TENM3: variants seen among roughly 807,000 people sequenced by gnomAD.
TENM3 encodes the protein teneurin-3.
A neutral mutation model predicts 255.1 loss-of-function variants in TENM3; 63 were observed. That is an observed-to-expected ratio of 0.25 (90% CI 0.20 to 0.30). The LOEUF is 0.30. Ranked by LOEUF, TENM3 falls within the 10% of genes least tolerant of loss-of-function variation. The probability of loss-of-function intolerance (pLI) is 1.00; values close to 1 mark genes in which losing one functional copy is unlikely to be tolerated. For missense variants in TENM3, 2,929 were observed against 3,461.1 expected, an observed-to-expected ratio of 0.85 and a Z score of 3.86; for synonymous variants, 1,306 against 1,322.3, an observed-to-expected ratio of 0.99 and a Z score of 0.27.
upstream of TENM3, among the ~76,000 whole-genome samples, chr4:182,139,200 A>G (rs72999500): frequency 0.012 from 1,828 of 152,296 alleles, 31 homozygotes; most frequent in African/African-American, 0.041. Context: ...TATTACATGC[A>G]GAAAACACAG....
the TENM3 span, among the ~76,000 whole-genome samples, chr4:181,632,943 T>C: frequency 1.3e-5 from 2 of 152,194 alleles, no homozygotes; most frequent in African/African-American, 4.8e-5. Flanking sequence ...GTTTGTTCTG[T>C]TTCCTTGACT....
chr4:182,353,990 T>C (rs1765362049), intron 3 of TENM3, among the ~76,000 whole-genome samples: 1 of 151,992 alleles, frequency 6.6e-6, no homozygotes, highest in Non-Finnish European at 1.5e-5. Context: ...AAGTTACGAT[T>C]TAAATAAAAT....
At chr4:182,706,029 A>G (rs187909924) in intron 12 of TENM3, among the ~76,000 whole-genome samples, 5 of 152,230 alleles carry the variant, frequency 3.3e-5, no homozygotes, top group Non-Finnish European at 5.9e-5. Flanking sequence ...TTTTAAGCTT[A>G]TTTCCTTTAA....
chr4:181,467,093 GTGTGTGTGTGTATA>G, the TENM3 span, among the ~76,000 whole-genome samples: 25 of 67,270 alleles, frequency 3.7e-4, no homozygotes, highest in Admixed American at 2.7e-3. Flanking sequence ...GCGTGTGTGT[GTGTGTGTGTGTATA>G]TATATATATA....
chr4:182,270,401 G>C (rs1038679060), intron 1 of TENM3, among the ~76,000 whole-genome samples: 1 of 152,152 alleles, frequency 6.6e-6, no homozygotes, highest in Admixed American at 6.5e-5. Context: ...CCAGACTGAA[G>C]GTGGAATTTG....
the TENM3 span, among the ~76,000 whole-genome samples, chr4:181,457,276 A>T: frequency 1.3e-5 from 2 of 152,036 alleles, no homozygotes; most frequent in Admixed American, 6.6e-5. Flanking sequence ...GTAGGCACTG[A>T]AACTTGGTGA....
intron 1 of TENM3, among the ~76,000 whole-genome samples, chr4:182,295,243 T>TA (rs1232933236): frequency 6.6e-6 from 1 of 150,624 alleles, no homozygotes; most frequent in East Asian, 1.9e-4. Flanking sequence ...AAACAAGTGG[T>TA]ATATGTGCTT....
chr4:181,927,223 A>G, the TENM3 span, among the ~76,000 whole-genome samples: 2 of 152,186 alleles, frequency 1.3e-5, no homozygotes, highest in African/African-American at 4.8e-5. Flanking sequence ...CCATCCATGG[A>G]ACCCAGCGGA....
the TENM3 span, among the ~76,000 whole-genome samples, chr4:181,876,775 G>A: frequency 0.17 from 25,116 of 151,652 alleles, 2,626 homozygotes; most frequent in East Asian, 0.55. Flanking sequence ...TATTTTGAAC[G>A]GAATTTTGAT....
intron 16 of TENM3, among the ~76,000 whole-genome samples, chr4:182,733,787 C>T (rs1167564984): frequency 6.6e-6 from 1 of 152,190 alleles, no homozygotes; most frequent in African/African-American, 2.4e-5. Flanking sequence ...ATTGTAACCT[C>T]AATCAATTTA....
chr4:181,858,691 A>G, the TENM3 span, among the ~76,000 whole-genome samples: 1 of 152,206 alleles, frequency 6.6e-6, no homozygotes, highest in Non-Finnish European at 1.5e-5. Context: ...AGCACCCCAG[A>G]CAGTGAACAG....
chr4:182,706,518 C>G (rs1461588862), intron 12 of TENM3, among the ~76,000 whole-genome samples: 4 of 152,166 alleles, frequency 2.6e-5, no homozygotes, highest in Non-Finnish European at 5.9e-5. Flanking sequence ...GTTTTGCTCA[C>G]TTTTGCTTCT....
upstream of TENM3, among the ~76,000 whole-genome samples, chr4:182,239,033 ATGTGTGTGTGTGTGTGTG>A (rs10533748): frequency 3.6e-5 from 5 of 140,114 alleles, no homozygotes; most frequent in South Asian, 2.3e-4. Context: ...AAAAATCTTT[ATGTGTGTGTGTGTGTGTG>A]TGTGTGTGTG....
At chr4:182,505,619 C>T (rs1395026723) in intron 3 of TENM3, among the ~76,000 whole-genome samples, 1 of 152,124 alleles carries the variant, frequency 6.6e-6, no homozygotes, top group African/African-American at 2.4e-5. Context: ...GCTGGGATTA[C>T]AGGCACCCAC....
chr4:182,101,131 GAA>G, the TENM3 span, among the ~76,000 whole-genome samples: 4 of 93,726 alleles, frequency 4.3e-5, no homozygotes, highest in African/African-American at 1.2e-4. Flanking sequence ...AGGAAAGAAG[GAA>G]GGAAGGAAAG....
chr4:181,742,346 T>C, the TENM3 span, among the ~76,000 whole-genome samples: 1 of 152,182 alleles, frequency 6.6e-6, no homozygotes, highest in African/African-American at 2.4e-5. Context: ...AGTTATACTT[T>C]CTTAAAATTT....
chr4:182,721,184 T>C (rs1297724649), intron 13 of TENM3, among the ~76,000 whole-genome samples: 1 of 152,172 alleles, frequency 6.6e-6, no homozygotes, highest in Admixed American at 6.5e-5. Flanking sequence ...GCTACATGTC[T>C]TTCCATGTTA....
At chr4:182,641,143 T>G (rs1356867808) in intron 5 of TENM3, among the ~76,000 whole-genome samples, 1 of 152,212 alleles carries the variant, frequency 6.6e-6, no homozygotes, top group African/African-American at 2.4e-5. Context: ...GTGCCTACAT[T>G]ACTGAAGGAT....
At chr4:181,857,843 G>A in the TENM3 span, among the ~76,000 whole-genome samples, 2 of 152,018 alleles carry the variant, frequency 1.3e-5, no homozygotes, top group African/African-American at 4.8e-5. Context: ...GCAGAGGAGT[G>A]GCATGGCCTG....
Sources: allele counts gnomAD v4.1 joint callset (sites outside exome capture counted in the v4.1 genomes callset), GRCh38; gene constraint gnomAD v4.1.1; transcripts MANE v1.5; gene names NCBI Gene and HGNC (gene_info 2026-07-23, HGNC 2026-07-21).